NCAPD3: variants seen among roughly 807,000 people sequenced by gnomAD.
NCAPD3 encodes the protein non-SMC condensin II complex subunit D3.
Under a neutral mutation model 182.9 loss-of-function variants are expected in NCAPD3, and 105 were observed. The observed-to-expected ratio is 0.57, with a 90% CI of 0.49 to 0.68. The LOEUF is 0.68. Among genes scored for constraint, NCAPD3 ranks in the 30% least tolerant of loss-of-function variants. NCAPD3 has a pLI of 0.00. For missense variants in NCAPD3, 1,944 were observed against 1,837.0 expected (o/e 1.06, Z -1.07); for synonymous variants, 815 against 679.9 (o/e 1.20, Z -3.09).
At position 134,153,147 on chromosome 11, in the gene NCAPD3, CA is replaced by C. The variant is rs1200092536; in HGVS notation, c.4380del (p.Asp1461IlefsTer34). 1 of 1,614,026 alleles carries C rather than the reference CA, an allele frequency of 6.2e-7. No individual in the cohort carries two copies. Among genetic ancestry groups the C allele is most frequent in the African/African-American group, 1.3e-5 (1 of 74,924 alleles). On this transcript the variant is annotated frameshift_variant, in exon 34 of 35. Coordinates refer to ENST00000534548, the MANE Select transcript of NCAPD3 (RefSeq NM_015261.3). LOFTEE classifies it low-confidence loss of function (END_TRUNC). ...QGNDILCLSL[P>X]DKPPPQPQQW... ...GAACACTGCTAAACTTACGGTTTAT[CA>C]GGCAGTGATAAACATAAGATGTCAT...
At chr11:134,203,591 C>G (rs1423488146) in intron 11 of NCAPD3, 63 bp downstream of exon 11, 44 of 1,573,158 alleles carry the variant, frequency 2.8e-5, no homozygotes, top group Middle Eastern at 2.3e-4. Context: ...GAACGATTCC[C>G]TTGCAGTCTA....
intron 1 of NCAPD3, 51 bp from the exon 2 acceptor site, chr11:134,220,777 A>C: frequency 6.5e-7 from 1 of 1,548,930 alleles, no homozygotes; most frequent in African/African-American, 1.4e-5. Flanking sequence ...AAGTAAAAAA[A>C]CTAGTCACCT....
intron 29 of NCAPD3, among the ~76,000 whole-genome samples, 181 bp downstream of exon 29, chr11:134,159,711 C>T (rs1429652417): frequency 1.3e-5 from 2 of 152,230 alleles, no homozygotes; most frequent in African/African-American, 4.8e-5. Flanking sequence ...AGGTCTGGAG[C>T]ACAGTAAATC....
intron 24 of NCAPD3, chr11:134,173,520 G>T: frequency 6.5e-6 from 1 of 153,692 alleles, no homozygotes; most frequent in South Asian, 1.8e-4. Context: ...TAGCAGCACT[G>T]GGGCGGCCCC....
intron 24 of NCAPD3, among the ~76,000 whole-genome samples, chr11:134,174,250 G>A (rs759164740): frequency 1.3e-4 from 20 of 151,522 alleles, no homozygotes; most frequent in Non-Finnish European, 2.5e-4. Context: ...GAGTATGGTG[G>A]CATGCACCTG....
At chr11:134,181,436 T>G (rs1420185618) in intron 19 of NCAPD3, among the ~76,000 whole-genome samples, 2 of 152,192 alleles carry the variant, frequency 1.3e-5, no homozygotes, top group African/African-American at 4.8e-5. Flanking sequence ...ATTTGCCCTA[T>G]AAGAGCAAAA....
At chr11:134,159,586 G>A (rs1408724873) in intron 29 of NCAPD3, among the ~76,000 whole-genome samples, 1 of 152,218 alleles carries the variant, frequency 6.6e-6, no homozygotes, top group African/African-American at 2.4e-5. Flanking sequence ...GCTCTAAAGA[G>A]GGAGTGCTGG....
At position 134,174,209 on chromosome 11, in the gene NCAPD3, G is replaced by A. The variant is rs1944097993; in HGVS notation, c.3101+2098C>T. Among the ~76,000 whole-genome samples, 4 of 151,276 alleles carry A rather than the reference G, an allele frequency of 2.6e-5. No individual in the cohort carries two copies. In the South Asian group the frequency reaches 8.4e-4, roughly 32 times the overall value. ...AGTTGGAGACCAGCCTGGCAAAAAC[G>A]TGTCTCTACAAAAAAGTACAAAAAC... is the stretch of plus-strand genomic sequence containing the variant. On this transcript the variant is annotated intron_variant, in intron 24 of 34. Transcript: ENST00000534548.
chr11:134,156,622 G>T (rs1428280784), intron 32 of NCAPD3, among the ~76,000 whole-genome samples: 1 of 152,124 alleles, frequency 6.6e-6, no homozygotes, highest in Non-Finnish European at 1.5e-5. Flanking sequence ...AGCGTGCATG[G>T]TACCTGCTGG....
At chr11:134,217,926 T>C (rs1938086245) in intron 2 of NCAPD3, among the ~76,000 whole-genome samples, 1 of 151,970 alleles carries the variant, frequency 6.6e-6, no homozygotes, top group African/African-American at 2.4e-5. Context: ...AAGCAAGACC[T>C]TGTCTCCACA....
intron 31 of NCAPD3, among the ~76,000 whole-genome samples, chr11:134,157,693 T>C (rs1943462304): frequency 2.0e-5 from 3 of 152,210 alleles, no homozygotes; most frequent in East Asian, 1.9e-4. Flanking sequence ...AGGAACAGAA[T>C]AGCTGGAGGA....
In NCAPD3 at chr11:134,178,869, A is replaced by G. The variant is rs1370760200; in HGVS notation, c.2627T>C (p.Phe876Ser). The G allele has an allele frequency of 2.5e-6, 4 of 1,614,044 alleles. No homozygotes were observed. The highest frequency in any genetic ancestry group is 3.4e-6 in the Non-Finnish European group (4 of 1,180,030). Reference protein sequence around the residue: ...LCPARVEKRIFLLIQSVLASS... With the variant: ...LCPARVEKRISLLIQSVLASS... ...AGCCAGGACGGACTGAATCAGAAGG[A>G]AGATGCGCTTCTCCACCCTGGCTGG... The change falls in exon 21 of 35, where the codon TTC (phenylalanine) becomes TCC (serine). Residue 876 changes from phenylalanine to serine, a missense_variant. Phe to Ser is a radical substitution (Grantham distance 155, BLOSUM62 -2). This residue lies in a region of NCAPD3 where 1,803 missense variants were observed against 1,674.6 expected (regional missense o/e 1.08). Coordinates refer to ENST00000534548, the MANE Select transcript of NCAPD3 (RefSeq NM_015261.3).
Position 134,204,221 on chromosome 11 carries a change from G to A in NCAPD3, c.1090-50C>T. ...CCAACCAATATCCACCCGCAGGATGGCTGAAACATATTCTGTAATATAAGT... is the reference window on the plus strand; with the variant it reads ...CCAACCAATATCCACCCGCAGGATGACTGAAACATATTCTGTAATATAAGT... On this transcript the variant is annotated intron_variant, in intron 9 of 34. Coordinates refer to ENST00000534548, the MANE Select transcript of NCAPD3 (RefSeq NM_015261.3). This position sits in a 1 kb window ranked among gnomAD's most constrained non-coding sequence, Gnocchi z 4.3. The A allele has an allele frequency of 1.3e-6, 2 of 1,594,522 alleles. No homozygotes were observed. Among genetic ancestry groups the A allele is most frequent in the African/African-American group, 1.3e-5 (1 of 74,464 alleles).
chr11:134,209,590 G>C, intron 4 of NCAPD3, 113 bp from the exon 5 acceptor site: 4 of 974,914 alleles, frequency 4.1e-6, no homozygotes, highest in Non-Finnish European at 6.0e-6. Context: ...AGCTGATGTT[G>C]AGGTGATATG....
rs115455710 is a variant in NCAPD3 at position 134,175,340 on chromosome 11, C to T, written c.3101+967G>A. ...GTCCTGAGAGTCAGTATAGTGGACACGTTGTGAAGGTAAGAGGGTGTGTGA... is the reference window on the plus strand; with the variant it reads ...GTCCTGAGAGTCAGTATAGTGGACATGTTGTGAAGGTAAGAGGGTGTGTGA... On this transcript the variant is annotated intron_variant, in intron 24 of 34. Transcript: ENST00000534548. Among the ~76,000 whole-genome samples the T allele has an allele frequency of 7.4e-3, 1,119 of 152,222 alleles. 9 individuals are homozygous for T. Among genetic ancestry groups the T allele is most frequent in the African/African-American group, 0.025 (1,055 of 41,532 alleles).
rs905378711 is a variant in NCAPD3, at chr11:134,154,480, C to A, written c.4253-1117G>T. On this transcript the variant is annotated intron_variant, in intron 32 of 34. Transcript: ENST00000534548. ...TCTGCACATTATGCTTCTCTGCACC[C>A]CCCCCCCCACCGCCCCATCTGCCTA... 2.7e-3 allele frequency among the ~76,000 whole-genome samples: 400 copies of A among 149,038 alleles called. 4 individuals carry two copies. The highest frequency in any genetic ancestry group is 0.019 in the East Asian group (98 of 5,036).
intron 16 of NCAPD3, chr11:134,186,167 A>G (rs566905287): frequency 1.3e-5 from 2 of 152,258 alleles, no homozygotes; most frequent in Non-Finnish European, 2.9e-5. Context: ...AAAATAAAAA[A>G]CAATGCTTCT....
Position 134,157,004 on chromosome 11 carries a change from G to C in NCAPD3, c.4252+14C>G, listed in dbSNP as rs376142436. Reference sequence around the variant, plus strand: ...GACTGAGGAGAAGCCCACGTGTTCCGATCAGTTACTCACTCTCGGGGGTGC... The same window carrying C: ...GACTGAGGAGAAGCCCACGTGTTCCCATCAGTTACTCACTCTCGGGGGTGC... On this transcript the variant is annotated intron_variant, in intron 32 of 34. Coordinates refer to ENST00000534548, the MANE Select transcript of NCAPD3 (RefSeq NM_015261.3). 1.8e-4 allele frequency: 282 copies of C among 1,601,246 alleles called. No homozygotes were observed. The highest frequency in any genetic ancestry group is 2.3e-4 in the Non-Finnish European group (270 of 1,170,828).
In NCAPD3 at chr11:134,168,200, GAGAC is replaced by G; in HGVS notation, c.3374-9_3374-6del. 9 of 1,612,348 alleles carry G rather than the reference GAGAC, an allele frequency of 5.6e-6. No individual in the cohort carries two copies. The highest frequency in any genetic ancestry group is 2.2e-5 in the South Asian group (2 of 91,044). On this transcript the variant is annotated splice_region_variant and splice_polypyrimidine_tract_variant and intron_variant, in intron 26 of 34. Coordinates refer to ENST00000534548, the MANE Select transcript of NCAPD3 (RefSeq NM_015261.3). ...GGATGCCATCAGCAAAGCACGCTGA[GAGAC>G]AGAGAGAGAGAAAAACGTGAGCTTC...
Sources: gnomAD v4.1 joint callset for allele counts (sites outside exome capture counted in the v4.1 genomes callset) on GRCh38, gnomAD v4.1.1 for gene constraint, gnomAD v4.1.1 regional missense constraint, Gnocchi (gnomAD v3.1) non-coding constraint, MANE v1.5 for transcripts, NCBI Gene and HGNC (gene_info 2026-07-23, HGNC 2026-07-21) for gene names.